PALM2AKAP2: variants seen among roughly 807,000 people sequenced by gnomAD.
PALM2AKAP2 encodes PALM2-AKAP2 fusion protein.
In PALM2AKAP2, 37 loss-of-function variants were observed where a neutral mutation model predicts 71.5. The observed-to-expected ratio is 0.52, with a 90% CI of 0.40 to 0.68. The LOEUF is 0.68. Among genes scored for constraint, PALM2AKAP2 ranks in the 30% least tolerant of loss-of-function variants. PALM2AKAP2 has a pLI of 0.00. For synonymous variants in PALM2AKAP2, 468 were observed against 478.8 expected (o/e 0.98, Z 0.29); for missense variants, 1,224 against 1,191.8 (o/e 1.03, Z -0.40).
At chr9:110,053,527 C>CAAAAAAAAAAAAAAAAA (rs56132919) in intron 1 of PALM2AKAP2, among the ~76,000 whole-genome samples, 5 of 82,866 alleles carry the variant, frequency 6.0e-5, no homozygotes, top group African/African-American at 1.4e-4. Flanking sequence ...AACTCTGTCT[C>CAAAAAAAAAAAAAAAAA]AAAAAAAAAA....
At chr9:109,665,173 A>C (rs1827461919) in intron 1 of PALM2AKAP2, among the ~76,000 whole-genome samples, 1 of 152,176 alleles carries the variant, frequency 6.6e-6, no homozygotes, top group Non-Finnish European at 1.5e-5. Flanking sequence ...CGACCTTCTG[A>C]AGCCTCCTTC....
At chr9:109,966,913 G>A (rs1233101117) in intron 6 of PALM2AKAP2, among the ~76,000 whole-genome samples, 1 of 152,216 alleles carries the variant, frequency 6.6e-6, no homozygotes, top group Non-Finnish European at 1.5e-5. Flanking sequence ...TAGCAAAGTT[G>A]TTAAGGAACG....
chr9:109,646,400 G>T (rs1275610953), intron 1 of PALM2AKAP2, among the ~76,000 whole-genome samples: 2 of 152,236 alleles, frequency 1.3e-5, no homozygotes, highest in Non-Finnish European at 2.9e-5. Flanking sequence ...ACTCTAAGTT[G>T]TTGCGATCCC....
At chr9:110,104,203 A>G (rs1835064425) in intron 1 of PALM2AKAP2, among the ~76,000 whole-genome samples, 1 of 150,254 alleles carries the variant, frequency 6.7e-6, no homozygotes, top group East Asian at 2.0e-4. Context: ...GGGGTAAGGT[A>G]TCGTATTTTG....
At chr9:109,685,759 G>A (rs1232324095) in intron 1 of PALM2AKAP2, among the ~76,000 whole-genome samples, 2 of 152,050 alleles carry the variant, frequency 1.3e-5, no homozygotes, top group African/African-American at 4.8e-5. Flanking sequence ...TGGGGTGGCT[G>A]TAGCAATTTC....
intron 6 of PALM2AKAP2, among the ~76,000 whole-genome samples, chr9:109,959,800 G>A (rs1279258901): frequency 6.6e-6 from 1 of 152,092 alleles, no homozygotes; most frequent in Non-Finnish European, 1.5e-5. Flanking sequence ...TCACCTACCA[G>A]GAGAAAATTT....
chr9:109,799,560 C>T (rs1827360274), intron 1 of PALM2AKAP2, among the ~76,000 whole-genome samples: 1 of 152,138 alleles, frequency 6.6e-6, no homozygotes, highest in Non-Finnish European at 1.5e-5. Context: ...GTGGCACGAC[C>T]ATTACTCACT....
At chr9:110,149,639 A>G (rs1177884987) in intron 2 of PALM2AKAP2, among the ~76,000 whole-genome samples, 1 of 152,202 alleles carries the variant, frequency 6.6e-6, no homozygotes, top group East Asian at 1.9e-4. Context: ...ACAAATTACC[A>G]CAAATATAGT....
chr9:110,099,112 T>C (rs35284168), intron 1 of PALM2AKAP2, among the ~76,000 whole-genome samples: 34,065 of 152,196 alleles, frequency 0.22, 5,125 homozygotes, highest in African/African-American at 0.42. Context: ...AAATTTTGTC[T>C]TCATGGGGAA....
intron 7 of PALM2AKAP2, among the ~76,000 whole-genome samples, chr9:110,038,318 A>G (rs1180160535): frequency 6.6e-6 from 1 of 150,546 alleles, no homozygotes; most frequent in East Asian, 1.9e-4. Context: ...TGACAGAGTG[A>G]CCCTGTCTCA....
intron 7 of PALM2AKAP2, among the ~76,000 whole-genome samples, chr9:110,017,797 G>A (rs942047453): frequency 9.2e-5 from 14 of 151,400 alleles, no homozygotes; most frequent in African/African-American, 1.5e-4. Flanking sequence ...GCGCAGACTT[G>A]GCTCACTGCA....
intron 6 of PALM2AKAP2, chr9:109,942,752 C>T: frequency 6.2e-7 from 1 of 1,613,580 alleles, no homozygotes; most frequent in Non-Finnish European, 8.5e-7. Flanking sequence ...ATTCTCTCTA[C>T]ATCTACCATT....
intron 1 of PALM2AKAP2, among the ~76,000 whole-genome samples, chr9:110,082,958 A>G (rs975857904): frequency 2.0e-5 from 3 of 152,132 alleles, no homozygotes; most frequent in African/African-American, 7.2e-5. Context: ...CCTGACCAAC[A>G]TGGAGAAACC....
intron 1 of PALM2AKAP2, among the ~76,000 whole-genome samples, chr9:109,735,586 C>A (rs1337027932): frequency 1.3e-5 from 2 of 152,074 alleles, no homozygotes; most frequent in Admixed American, 6.5e-5. Context: ...ATTATGGAAT[C>A]AAAAAATGAT....
At chr9:109,865,305 G>A (rs1372918897) in intron 1 of PALM2AKAP2, among the ~76,000 whole-genome samples, 1 of 151,752 alleles carries the variant, frequency 6.6e-6, no homozygotes, top group Non-Finnish European at 1.5e-5. Flanking sequence ...CGCCATGTTG[G>A]CTAGGCTAGT....
chr9:110,037,157 A>G (rs1004121444), intron 7 of PALM2AKAP2, among the ~76,000 whole-genome samples: 2 of 149,210 alleles, frequency 1.3e-5, no homozygotes, highest in South Asian at 2.1e-4. Context: ...TGTAAGCTAC[A>G]TGAACATGGG....
In PALM2AKAP2 at chr9:110,156,420, A is replaced by T. The variant is rs1836458500; in HGVS notation, c.2671A>T (p.Lys891Ter). 6.2e-7 allele frequency: 1 copy of T among 1,613,422 alleles called. No individual in the cohort carries two copies. Residue 891 changes from lysine to a stop codon, truncating the protein, a stop_gained, in exon 3 of 4, where the codon AAG becomes TAG. Coordinates refer to ENST00000374525, the Ensembl canonical transcript of PALM2AKAP2. LOFTEE classifies it high-confidence loss of function. ...AGAGGCTGCCGGAACCCAGCGGCCCAAGAATCTGATGCAGACCCTCATGGA... is the reference window on the plus strand; with the variant it reads ...AGAGGCTGCCGGAACCCAGCGGCCCTAGAATCTGATGCAGACCCTCATGGA...
At chr9:110,138,787 C>T (rs1184720481) in intron 2 of PALM2AKAP2, among the ~76,000 whole-genome samples, 3 of 152,198 alleles carry the variant, frequency 2.0e-5, no homozygotes, top group African/African-American at 4.8e-5. Flanking sequence ...CTTTGTTGTT[C>T]TGCTTTGGCC....
chr9:109,703,318 T>A (rs1465089633), intron 1 of PALM2AKAP2, among the ~76,000 whole-genome samples: 1 of 152,196 alleles, frequency 6.6e-6, no homozygotes, highest in Non-Finnish European at 1.5e-5. Flanking sequence ...TTCAGTTTGG[T>A]ATGTATTTCT....
Sources: gnomAD v4.1 joint callset for allele counts (sites outside exome capture counted in the v4.1 genomes callset) on GRCh38, gnomAD v4.1.1 for gene constraint, MANE v1.5 for transcripts, NCBI Gene and HGNC (gene_info 2026-07-23, HGNC 2026-07-21) for gene names.